PTPN22: variants seen among roughly 807,000 people sequenced by gnomAD.
PTPN22 encodes protein tyrosine phosphatase non-receptor type 22.
Under a neutral mutation model 103.3 loss-of-function variants are expected in PTPN22, and 85 were observed. The observed-to-expected ratio is 0.82, with a 90% CI of 0.69 to 0.99. The LOEUF (loss-of-function observed/expected upper bound fraction) is 0.99, where lower values mean the gene tolerates loss of function less well. PTPN22 is among the 50% of genes least tolerant of loss of function. The pLI, the probability that PTPN22 is intolerant of heterozygous loss-of-function variation, is 0.00. For synonymous variants in PTPN22, 323 were observed against 310.2 expected (o/e 1.04, Z -0.43); for missense variants, 865 against 936.9 (o/e 0.92, Z 1.00).
exon 16 of PTPN22, chr1:113,833,135 C>A: frequency 6.4e-7 from 1 of 1,562,306 alleles, no homozygotes; most frequent in Non-Finnish European, 8.8e-7. Context: ...CGGAGTTTTA[C>A]ACTCTAAAAG....
intron 10 of PTPN22, among the ~76,000 whole-genome samples, chr1:113,851,619 C>T (rs1266760702): frequency 6.6e-6 from 1 of 152,112 alleles, no homozygotes; most frequent in Non-Finnish European, 1.5e-5. Context: ...TATTCTGTTA[C>T]CACATCCTGG....
intron 19 of PTPN22, among the ~76,000 whole-genome samples, chr1:113,821,019 A>C (rs907987606): frequency 2.6e-5 from 4 of 150,990 alleles, no homozygotes; most frequent in Non-Finnish European, 4.4e-5. Flanking sequence ...ATAAAGTATA[A>C]GTATAAAATA....
intron 7 of PTPN22, among the ~76,000 whole-genome samples, chr1:113,855,868 G>A (rs1484024412): frequency 1.3e-5 from 2 of 152,200 alleles, no homozygotes; most frequent in Non-Finnish European, 2.9e-5. Context: ...AGAGAAGCTG[G>A]GCAGGGCCTA....
At chr1:113,858,444 G>T in intron 4 of PTPN22, 34 bp downstream of exon 4, 2 of 1,452,310 alleles carry the variant, frequency 1.4e-6, no homozygotes, top group South Asian at 1.2e-5. Context: ...TAATAAAGTA[G>T]AGAATAAAGT....
intron 5 of PTPN22, among the ~76,000 whole-genome samples, chr1:113,857,004 A>T (rs575664069): frequency 6.6e-6 from 1 of 152,370 alleles, no homozygotes; most frequent in Non-Finnish European, 1.5e-5. Context: ...CAGTAAAAAT[A>T]TAATGTGAAC....
chr1:113,824,576 C>G (rs569181237), intron 19 of PTPN22, among the ~76,000 whole-genome samples: 32 of 152,306 alleles, frequency 2.1e-4, no homozygotes, highest in African/African-American at 7.0e-4. Context: ...TTGCTTATTT[C>G]ATGAAGTCAA....
intron 16 of PTPN22, among the ~76,000 whole-genome samples, chr1:113,832,165 C>G (rs1280033575): frequency 6.6e-6 from 1 of 152,094 alleles, no homozygotes; most frequent in East Asian, 1.9e-4. Flanking sequence ...CTATCTGACT[C>G]TAAAGCCCTT....
At chr1:113,866,836 C>A (rs377353713) in intron 1 of PTPN22, among the ~76,000 whole-genome samples, 1 of 152,126 alleles carries the variant, frequency 6.6e-6, no homozygotes, top group East Asian at 1.9e-4. Flanking sequence ...CACCCTCCAC[C>A]CCCTGGGGTC....
chr1:113,850,659 A>G (rs575851153), intron 10 of PTPN22, among the ~76,000 whole-genome samples: 3 of 152,216 alleles, frequency 2.0e-5, no homozygotes, highest in Non-Finnish European at 4.4e-5. Context: ...CTCAGCACAC[A>G]TGAAAGTTAT....
intron 1 of PTPN22, among the ~76,000 whole-genome samples, chr1:113,860,631 G>A (rs1012013715): frequency 1.3e-5 from 2 of 152,126 alleles, no homozygotes; most frequent in African/African-American, 2.4e-5. Flanking sequence ...ACTAATTTGG[G>A]AATTTAAGGA....
At chr1:113,866,757 T>C (rs1429672870) in intron 1 of PTPN22, among the ~76,000 whole-genome samples, 4 of 152,184 alleles carry the variant, frequency 2.6e-5, no homozygotes, top group South Asian at 4.1e-4. Flanking sequence ...TTGGTTTTCA[T>C]GTGTGTGTAT....
At chr1:113,867,040 C>A (rs1294134215) in intron 1 of PTPN22, among the ~76,000 whole-genome samples, 1 of 152,158 alleles carries the variant, frequency 6.6e-6, no homozygotes, top group Non-Finnish European at 1.5e-5. Flanking sequence ...AGCCACCTCA[C>A]CTGGCCAAGA....
In PTPN22 at chr1:113,841,053, C is replaced by T. The variant is rs566064765; in HGVS notation, c.916-2433G>A. Among the ~76,000 whole-genome samples, 308 of 152,000 alleles carry T rather than the reference C, an allele frequency of 2.0e-3. 1 individual carries two copies. Among genetic ancestry groups the T allele is most frequent in the Admixed American group, 2.1e-3 (32 of 15,268 alleles). ...CAGCCTGACCAACATGGAGAAACCC[C>T]GTCTCTACTAAAAATACAAAATTAG... On this transcript the variant is annotated intron_variant, in intron 11 of 20. Transcript: ENST00000359785.
At chr1:113,829,849 G>A in intron 17 of PTPN22, 100 bp downstream of exon 17, 1 of 1,267,142 alleles carries the variant, frequency 7.9e-7, no homozygotes, top group Non-Finnish European at 1.1e-6. Flanking sequence ...ATTCTTTTGT[G>A]TAATCATTTT....
intron 11 of PTPN22, among the ~76,000 whole-genome samples, chr1:113,844,806 TTTTC>T (rs1663906337): frequency 6.6e-6 from 1 of 152,208 alleles, no homozygotes; most frequent in Admixed American, 6.5e-5. Flanking sequence ...TTACTGATTT[TTTTC>T]TTTTTTTAAT....
intron 18 of PTPN22, 40 bp downstream of exon 18, chr1:113,829,550 GAA>G: frequency 1.7e-6 from 2 of 1,193,242 alleles, no homozygotes; most frequent in Non-Finnish European, 2.4e-6. Context: ...TTCAGTAAGG[GAA>G]AGTTTCCGGC....
At chr1:113,864,642 A>G (rs942193282) in intron 1 of PTPN22, among the ~76,000 whole-genome samples, 3 of 149,994 alleles carry the variant, frequency 2.0e-5, no homozygotes, top group African/African-American at 4.9e-5. Flanking sequence ...AAGGCCAGGC[A>G]TGGTGGCTCA....
At chr1:113,845,692 C>T (rs1256993317) in intron 11 of PTPN22, among the ~76,000 whole-genome samples, 2 of 152,082 alleles carry the variant, frequency 1.3e-5, no homozygotes, top group Non-Finnish European at 2.9e-5. Flanking sequence ...TGCTGGTTTT[C>T]TGTCTAGTTC....
In PTPN22 at chr1:113,819,655, C is replaced by G. The variant is rs1461925647; in HGVS notation, c.2282-1G>C. 5.7e-6 allele frequency: 9 copies of G among 1,584,746 alleles called. No homozygotes were observed. Among genetic ancestry groups the G allele is most frequent in the Non-Finnish European group, 7.8e-6 (9 of 1,160,948 alleles). Reference sequence around the variant, plus strand: ...TTTGGTGGGCAAGAATTACAGATACCTAGAATCAAAAGAAAAAAATATAAG... The same window carrying G: ...TTTGGTGGGCAAGAATTACAGATACGTAGAATCAAAAGAAAAAAATATAAG... On this transcript the variant is annotated splice_acceptor_variant, in intron 19 of 20. Transcript: ENST00000359785. LOFTEE classifies it high-confidence loss of function.
Sources: gnomAD v4.1 joint callset for allele counts (sites outside exome capture counted in the v4.1 genomes callset) on GRCh38, gnomAD v4.1.1 for gene constraint, MANE v1.5 for transcripts, NCBI Gene and HGNC (gene_info 2026-07-23, HGNC 2026-07-21) for gene names.